Variants in SLC44A5 observed in about 807,000 individuals in gnomAD.
The protein encoded by SLC44A5 is choline transporter-like protein 5.
A neutral mutation model predicts 101.8 loss-of-function variants in SLC44A5; 57 were observed. The observed-to-expected ratio is 0.56, with a 90% confidence interval of 0.45 to 0.70. The LOEUF is 0.70. SLC44A5 is among the 30% of genes least tolerant of loss of function. The probability of loss-of-function intolerance (pLI) is 0.00; values close to 1 mark genes in which losing one functional copy is unlikely to be tolerated. For missense variants in SLC44A5, 737 were observed against 853.1 expected, an observed-to-expected ratio of 0.86 and a Z score of 1.70; for synonymous variants, 281 against 290.9, an observed-to-expected ratio of 0.97 and a Z score of 0.35.
chr1:75,372,269 G>T (rs985703999), intron 3 of SLC44A5, among the ~76,000 whole-genome samples: 1 of 149,502 alleles, frequency 6.7e-6, no homozygotes. Flanking sequence ...TCAAATGCAT[G>T]TAAAATGTTT....
chr1:75,315,885 C>T (rs1440674479), intron 4 of SLC44A5, among the ~76,000 whole-genome samples: 2 of 152,268 alleles, frequency 1.3e-5, no homozygotes, highest in Admixed American at 6.5e-5. Flanking sequence ...TTATCCTCCA[C>T]ATTTAGTTGT....
chr1:75,476,522 C>G (rs149491812), intron 2 of SLC44A5, among the ~76,000 whole-genome samples: 6 of 152,190 alleles, frequency 3.9e-5, no homozygotes, highest in African/African-American at 1.4e-4. Flanking sequence ...ACAGACGGCA[C>G]CTGGAAAATC....
chr1:75,627,440 G>A, the SLC44A5 span, among the ~76,000 whole-genome samples: 9 of 152,106 alleles, frequency 5.9e-5, no homozygotes, highest in Admixed American at 3.3e-4. Flanking sequence ...CACTTTAGGA[G>A]GCCAAGGTGG....
chr1:75,418,762 C>T (rs1251753427), intron 2 of SLC44A5, among the ~76,000 whole-genome samples: 1 of 152,128 alleles, frequency 6.6e-6, no homozygotes, highest in Non-Finnish European at 1.5e-5. Flanking sequence ...TCATATATTC[C>T]TATTTGTATT....
the SLC44A5 span, among the ~76,000 whole-genome samples, chr1:75,700,859 T>A: frequency 3.9e-5 from 6 of 152,066 alleles, no homozygotes; most frequent in Non-Finnish European, 8.8e-5. Context: ...CAAACTACCA[T>A]CAGAGAATAC....
chr1:75,215,646 T>C, intron 19 of SLC44A5, 108 bp downstream of exon 19: 2 of 644,624 alleles, frequency 3.1e-6, no homozygotes, highest in Non-Finnish European at 5.6e-6. Flanking sequence ...ATCAGCATAG[T>C]GATAAATTCA....
chr1:75,425,307 GT>G (rs939918637), intron 2 of SLC44A5, among the ~76,000 whole-genome samples: 6 of 152,320 alleles, frequency 3.9e-5, no homozygotes, highest in African/African-American at 1.4e-4. Context: ...GCATTGGGTG[GT>G]TGATTAACTG....
intron 2 of SLC44A5, among the ~76,000 whole-genome samples, chr1:75,446,649 TAC>T (rs10547175): frequency 0.4 from 59,674 of 149,394 alleles, 13,370 homozygotes; most frequent in African/African-American, 0.64. Flanking sequence ...TGCCTGGCTA[TAC>T]ACACACACAC....
intron 1 of SLC44A5, among the ~76,000 whole-genome samples, chr1:75,593,157 C>A (rs1674445012): frequency 6.6e-6 from 1 of 152,010 alleles, no homozygotes; most frequent in East Asian, 1.9e-4. Context: ...GTCTATTAAT[C>A]CAATCAAAAC....
rs992644673 is a variant in SLC44A5, at chr1:75,328,209, G to T, written c.101+11373C>A. ...CTATTTTCCCACTCTCTTGCCAAAA[G>T]AATGTACACTTAAATATATAGATTG... is the stretch of plus-strand genomic sequence containing the variant. On this transcript the variant is annotated intron_variant, in intron 4 of 23. Transcript: ENST00000370859. 1.8e-4 allele frequency among the ~76,000 whole-genome samples: 27 copies of T among 152,260 alleles called. 1 individual carries two copies. The South Asian group carries it at 3.9e-3, about 22-fold the overall frequency.
chr1:75,643,279 C>A, the SLC44A5 span, among the ~76,000 whole-genome samples: 1 of 152,006 alleles, frequency 6.6e-6, no homozygotes, highest in Non-Finnish European at 1.5e-5. Context: ...TTAATGTCAA[C>A]CTCAAACAAT....
intron 2 of SLC44A5, among the ~76,000 whole-genome samples, chr1:75,484,649 A>G (rs1004405557): frequency 6.6e-6 from 1 of 152,044 alleles, no homozygotes; most frequent in African/African-American, 2.4e-5. Flanking sequence ...CCTAGGCAAC[A>G]TTGCCCTCTG....
At chr1:75,277,706 G>T (rs533358358) in intron 5 of SLC44A5, among the ~76,000 whole-genome samples, 1 of 150,904 alleles carries the variant, frequency 6.6e-6, no homozygotes, top group Non-Finnish European at 1.5e-5. Flanking sequence ...TATCTGATTG[G>T]GGGGGATCTG....
the SLC44A5 span, among the ~76,000 whole-genome samples, chr1:75,655,259 T>C: frequency 4.6e-5 from 7 of 152,158 alleles, no homozygotes; most frequent in Non-Finnish European, 1.0e-4. Context: ...ACAATGTACC[T>C]GTGTAACAAC....
chr1:75,221,015 T>C (rs1647067377), intron 14 of SLC44A5, among the ~76,000 whole-genome samples: 1 of 152,098 alleles, frequency 6.6e-6, no homozygotes, highest in Non-Finnish European at 1.5e-5. Context: ...CAAATGCACA[T>C]TTAGAAGTGA....
chr1:75,451,194 C>G (rs1238903274), intron 2 of SLC44A5, among the ~76,000 whole-genome samples: 1 of 152,212 alleles, frequency 6.6e-6, no homozygotes, highest in East Asian at 1.9e-4. Context: ...ATGGCCTCCA[C>G]TGCCCACCAG....
At chr1:75,287,570 G>A (rs1373038491) in intron 5 of SLC44A5, among the ~76,000 whole-genome samples, 1 of 151,334 alleles carries the variant, frequency 6.6e-6, no homozygotes, top group African/African-American at 2.4e-5. Flanking sequence ...TCTCATTTGG[G>A]TAGACTATGT....
At chr1:75,499,950 T>C (rs1668866993) in intron 2 of SLC44A5, among the ~76,000 whole-genome samples, 1 of 152,124 alleles carries the variant, frequency 6.6e-6, no homozygotes, top group African/African-American at 2.4e-5. Flanking sequence ...GTGATAGGCA[T>C]TATTACTAGA....
intron 3 of SLC44A5, among the ~76,000 whole-genome samples, chr1:75,348,818 GA>G (rs1319916077): frequency 6.6e-6 from 1 of 152,024 alleles, no homozygotes; most frequent in African/African-American, 2.4e-5. Context: ...CTGTTTTTTA[GA>G]AATAAAAGAC....
Sources: gnomAD v4.1 joint callset for allele counts (sites outside exome capture counted in the v4.1 genomes callset) on GRCh38, gnomAD v4.1.1 for gene constraint, MANE v1.5 for transcripts, NCBI Gene and HGNC (gene_info 2026-07-23, HGNC 2026-07-21) for gene names.